The following NRG1 variants were observed in gnomAD, a reference collection of about 807,000 sequenced individuals.
NRG1 encodes the protein pro-neuregulin-1, membrane-bound isoform.
NRG1 carries 18 observed loss-of-function variants against 63.8 expected under a neutral mutation model. That is an observed-to-expected ratio of 0.28 (90% CI 0.19 to 0.42). NRG1 has a LOEUF of 0.42. Ranked by LOEUF, NRG1 falls within the 10% of genes least tolerant of loss-of-function variation. The pLI, the probability that NRG1 is intolerant of heterozygous loss-of-function variation, is 1.00. For synonymous variants in NRG1, 302 were observed against 301.3 expected, an observed-to-expected ratio of 1.00 and a Z score of -0.02; for missense variants, 762 against 814.7, an observed-to-expected ratio of 0.94 and a Z score of 0.79.
At chr8:32,595,857 A>T (rs1280914511) in exon 2 of NRG1, 1 of 1,612,474 alleles carries the variant, frequency 6.2e-7, no homozygotes, top group Admixed American at 1.7e-5. Flanking sequence ...AGAGATGAAA[A>T]GCCAGGAATC....
intron 1 of NRG1, among the ~76,000 whole-genome samples, chr8:32,057,564 G>T (rs1275465802): frequency 6.6e-6 from 1 of 152,128 alleles, no homozygotes; most frequent in Non-Finnish European, 1.5e-5. Flanking sequence ...AATGTTTCAT[G>T]TTCAGAGGTT....
At position 32,389,871 on chromosome 8, in the gene NRG1, G is replaced by T. The variant is rs563682823; in HGVS notation, c.38-205957G>T. ...TGCCTCCCAGGTTTAAACGATTTTCGTTCCTCAGCCTTCCAATAACTGGGG... is the reference window on the plus strand; with the variant it reads ...TGCCTCCCAGGTTTAAACGATTTTCTTTCCTCAGCCTTCCAATAACTGGGG... On this transcript the variant is annotated intron_variant, in intron 1 of 10. Transcript: ENST00000519301. 6.0e-5 allele frequency among the ~76,000 whole-genome samples: 9 copies of T among 151,124 alleles called. 1 individual carries two copies. The highest frequency in any genetic ancestry group is 1.2e-4 in the Non-Finnish European group (8 of 67,952).
intron 5 of NRG1, among the ~76,000 whole-genome samples, chr8:32,712,987 G>T (rs1156729304): frequency 6.6e-6 from 1 of 152,122 alleles, no homozygotes; most frequent in African/African-American, 2.4e-5. Flanking sequence ...GGTCAGCTTT[G>T]TTACGTTGAG....
At chr8:32,548,975 C>A in intron 1 of NRG1, 149 bp downstream of exon 1, 1 of 1,152,296 alleles carries the variant, frequency 8.7e-7, no homozygotes, top group Non-Finnish European at 1.2e-6. Context: ...TCGCGCGGTG[C>A]TTCCCCTCCT....
chr8:32,393,930 G>A (rs918562861), intron 1 of NRG1, among the ~76,000 whole-genome samples: 9 of 152,202 alleles, frequency 5.9e-5, no homozygotes, highest in Middle Eastern at 3.4e-3. Context: ...TGTTAAATAT[G>A]ATATGTCATC....
chr8:31,981,824 T>A (rs932527211), intron 1 of NRG1, among the ~76,000 whole-genome samples: 12 of 151,298 alleles, frequency 7.9e-5, no homozygotes, highest in Admixed American at 2.0e-4. Flanking sequence ...AATAAGAGCT[T>A]ACAAAAAAAA....
intron 1 of NRG1, among the ~76,000 whole-genome samples, chr8:31,711,904 G>T (rs1453066421): frequency 6.6e-6 from 1 of 152,118 alleles, no homozygotes; most frequent in African/African-American, 2.4e-5. Context: ...CATGCTTAAA[G>T]GCTCTGCCCA....
intron 1 of NRG1, among the ~76,000 whole-genome samples, chr8:31,775,744 A>G (rs1237510665): frequency 1.3e-5 from 2 of 151,810 alleles, no homozygotes; most frequent in African/African-American, 4.8e-5. Flanking sequence ...TTAGCTGGGC[A>G]TGATGGTGGG....
chr8:31,849,689 G>T (rs1380587386), intron 1 of NRG1, among the ~76,000 whole-genome samples: 2 of 152,134 alleles, frequency 1.3e-5, no homozygotes, highest in Admixed American at 6.6e-5. Flanking sequence ...ACAGGGTGAC[G>T]ATGGGATGTT....
At chr8:31,789,197 T>C (rs1307840192) in intron 1 of NRG1, among the ~76,000 whole-genome samples, 1 of 152,206 alleles carries the variant, frequency 6.6e-6, no homozygotes, top group African/African-American at 2.4e-5. Flanking sequence ...TATGGAGTTG[T>C]AGAGCCTGTG....
intron 1 of NRG1, among the ~76,000 whole-genome samples, chr8:31,896,427 A>T (rs928325999): frequency 3.9e-5 from 6 of 152,078 alleles, no homozygotes; most frequent in Admixed American, 2.6e-4. Context: ...ATTCTCATCC[A>T]TGTTTCTCAC....
intron 3 of NRG1, among the ~76,000 whole-genome samples, chr8:32,612,091 TA>T (rs1846466418): frequency 6.6e-6 from 1 of 152,080 alleles, no homozygotes; most frequent in African/African-American, 2.4e-5. Context: ...CTGATAATTC[TA>T]AAACCTCATT....
chr8:31,817,596 A>G (rs566045835), intron 1 of NRG1, among the ~76,000 whole-genome samples: 13 of 152,334 alleles, frequency 8.5e-5, no homozygotes, highest in African/African-American at 3.1e-4. Flanking sequence ...AAAAAAATCA[A>G]TCTGTGGTAT....
At chr8:32,724,421 T>C (rs538878328) in intron 5 of NRG1, among the ~76,000 whole-genome samples, 6 of 152,192 alleles carry the variant, frequency 3.9e-5, no homozygotes, top group Non-Finnish European at 8.8e-5. Context: ...CCAGAAAGAA[T>C]GCTGTTTGCT....
intron 1 of NRG1, among the ~76,000 whole-genome samples, chr8:31,662,934 CTG>C (rs1297564958): frequency 2.6e-5 from 4 of 152,224 alleles, no homozygotes; most frequent in African/African-American, 9.6e-5. Flanking sequence ...TTGACCCAGA[CTG>C]TCATTTTTTG....
intron 5 of NRG1, among the ~76,000 whole-genome samples, chr8:32,721,493 C>T (rs1311764334): frequency 2.0e-5 from 3 of 152,020 alleles, no homozygotes; most frequent in Non-Finnish European, 2.9e-5. Flanking sequence ...TTCCATTAAC[C>T]GTCTCCTGAG....
chr8:32,636,828 A>T (rs558971453), intron 5 of NRG1, among the ~76,000 whole-genome samples: 1 of 152,328 alleles, frequency 6.6e-6, no homozygotes, highest in South Asian at 2.1e-4. Context: ...TTTACCCTTG[A>T]TATAATTTTG....
At position 32,066,822 on chromosome 8, in the gene NRG1, A is replaced by G. The variant is rs1246842497; in HGVS notation, c.37+427391A>G. Among the ~76,000 whole-genome samples, 3 of 152,176 alleles carry G rather than the reference A, an allele frequency of 2.0e-5. No homozygotes were observed. In the East Asian group the frequency reaches 5.8e-4, roughly 29 times the overall value. ...ATATTGATTCTTCCTATCCATGAGC[A>G]TGGAATGTTCTTCCATTTGTTTGTA... is the stretch of plus-strand genomic sequence containing the variant. On this transcript the variant is annotated intron_variant, in intron 1 of 10. Coordinates refer to the NRG1 transcript ENST00000519301.
At chr8:32,038,212 C>T (rs1328058040) in intron 1 of NRG1, among the ~76,000 whole-genome samples, 1 of 152,170 alleles carries the variant, frequency 6.6e-6, no homozygotes, top group Non-Finnish European at 1.5e-5. Context: ...ACCTCACCAG[C>T]TTCCTCGGCT....
Sources: allele counts gnomAD v4.1 joint callset (sites outside exome capture counted in the v4.1 genomes callset), GRCh38; gene constraint gnomAD v4.1.1; transcripts MANE v1.5; gene names NCBI Gene and HGNC (gene_info 2026-07-23, HGNC 2026-07-21).